FAM118B: variants seen among roughly 807,000 people sequenced by gnomAD.
The protein encoded by FAM118B is protein FAM118B.
FAM118B carries 24 observed loss-of-function variants against 38.5 expected under a neutral mutation model. That is an observed-to-expected ratio of 0.62 (90% CI 0.45 to 0.88). The LOEUF is 0.88. Among genes scored for constraint, FAM118B ranks in the 40% least tolerant of loss-of-function variants. The pLI is 0.00. For missense variants in FAM118B, 334 were observed against 420.0 expected (o/e 0.80, Z 1.79); for synonymous variants, 138 against 156.3 (o/e 0.88, Z 0.87).
chr11:126,235,888 C>T (rs796275587), intron 3 of FAM118B, among the ~76,000 whole-genome samples: 11 of 130,738 alleles, frequency 8.4e-5, no homozygotes, highest in African/African-American at 1.3e-4. Flanking sequence ...GAGCCTAATG[C>T]GTAACGATTA....
chr11:126,238,924 A>G (rs1950318042), intron 3 of FAM118B, among the ~76,000 whole-genome samples: 1 of 151,734 alleles, frequency 6.6e-6, no homozygotes, highest in South Asian at 2.1e-4. Flanking sequence ...TTTACAAAGA[A>G]CCAGTAATAA....
intron 1 of FAM118B, among the ~76,000 whole-genome samples, chr11:126,215,314 A>G (rs1949963903): frequency 6.6e-6 from 1 of 152,184 alleles, no homozygotes; most frequent in African/African-American, 2.4e-5. Flanking sequence ...AAGAAACTGG[A>G]TTCTGCTCTT....
intron 7 of FAM118B, chr11:126,260,548 T>C (rs1441562999): frequency 6.6e-6 from 1 of 151,488 alleles, no homozygotes; most frequent in Non-Finnish European, 1.5e-5. Context: ...ACGTCTGATA[T>C]TTTTTTTGCC....
chr11:126,260,039 T>C (rs1388675620), intron 7 of FAM118B, among the ~76,000 whole-genome samples: 1 of 151,948 alleles, frequency 6.6e-6, no homozygotes, highest in African/African-American at 2.4e-5. Flanking sequence ...TTTATTATTA[T>C]TACTATTTTT....
chr11:126,227,882 C>T (rs1950163675), intron 1 of FAM118B, among the ~76,000 whole-genome samples: 1 of 152,032 alleles, frequency 6.6e-6, no homozygotes, highest in South Asian at 2.1e-4. Context: ...TCACTGCAGC[C>T]TTGATTTCCC....
intron 1 of FAM118B, among the ~76,000 whole-genome samples, chr11:126,212,850 G>A (rs891349899): frequency 6.6e-6 from 1 of 152,208 alleles, no homozygotes; most frequent in African/African-American, 2.4e-5. Context: ...ACGTAGTGAG[G>A]AGTCTTTGAA....
At chr11:126,224,547 C>A (rs1490900246) in intron 1 of FAM118B, among the ~76,000 whole-genome samples, 1 of 149,314 alleles carries the variant, frequency 6.7e-6, no homozygotes, top group African/African-American at 2.5e-5. Flanking sequence ...TTAGAGGGTG[C>A]TGTGTGCTGT....
At position 126,250,630 on chromosome 11, in the gene FAM118B, A is replaced by G. The variant is rs374721398; in HGVS notation, c.464A>G (p.Asn155Ser). The stretch of plus-strand genomic sequence containing the variant: ...CAGTCAGTTCTCCACCTGATGGAAA[A>G]TGGAGCCCTCGTATTAACTACAAAT... ...LLQSVLHLMENGALVLTTNFD... is the reference protein window; with the variant it reads ...LLQSVLHLMESGALVLTTNFD... The change falls in exon 5 of 9, where the codon AAT (asparagine) becomes AGT (serine). Residue 155 changes from asparagine (N) to serine (S), a missense_variant. Around this residue, in one of 3 missense-constraint regions of FAM118B, gnomAD observed 240 missense variants for 295.9 expected, o/e 0.81. Transcript: ENST00000533050. This position sits in a 1 kb window ranked among gnomAD's most constrained non-coding sequence, Gnocchi z 5.1. The G allele has an allele frequency of 2.5e-6, 4 of 1,614,058 alleles. No individual in the cohort carries two copies. The highest frequency in any genetic ancestry group is 1.1e-5 in the South Asian group (1 of 91,084).
chr11:126,225,063 T>C (rs1950122409), intron 1 of FAM118B, among the ~76,000 whole-genome samples: 1 of 152,220 alleles, frequency 6.6e-6, no homozygotes, highest in South Asian at 2.1e-4. Context: ...GCCATTCCAA[T>C]TTCTAGATCT....
At position 126,256,013 on chromosome 11, in the gene FAM118B, G is replaced by A. The variant is rs748933983; in HGVS notation, c.697-554G>A. ...TGGCCAAGTGCAGTGGCTCACGCCT[G>A]TAATCCCAGCACTTTGGGAGGCCAA... On this transcript the variant is annotated intron_variant, in intron 6 of 8. Coordinates refer to ENST00000533050, the MANE Select transcript of FAM118B (RefSeq NM_024556.4). The surrounding 1 kb of genome is among the most constrained non-coding windows in gnomAD (Gnocchi z 6.6). Among the ~76,000 whole-genome samples the A allele has an allele frequency of 1.3e-5, 2 of 152,154 alleles. No homozygotes were observed. The highest frequency in any genetic ancestry group is 2.4e-5 in the African/African-American group (1 of 41,436).
In FAM118B at chr11:126,254,292, G is replaced by T; in HGVS notation, c.568-13G>T. 2 of 1,613,190 alleles carry T rather than the reference G, an allele frequency of 1.2e-6. No homozygotes were observed. The highest frequency in any genetic ancestry group is 1.7e-6 in the Non-Finnish European group (2 of 1,179,458). On this transcript the variant is annotated splice_polypyrimidine_tract_variant and intron_variant, in intron 5 of 8. Transcript: ENST00000533050. ...CCCTGCCAAGCTGGTTGGGCTATATGTGTGTTGTGCAGGTCCTCGAGTGGG... is the reference window on the plus strand; with the variant it reads ...CCCTGCCAAGCTGGTTGGGCTATATTTGTGTTGTGCAGGTCCTCGAGTGGG...
At chr11:126,232,753 T>TA (rs1950225434) in intron 2 of FAM118B, among the ~76,000 whole-genome samples, 1 of 151,242 alleles carries the variant, frequency 6.6e-6, no homozygotes, top group African/African-American at 2.4e-5. Flanking sequence ...TAAAAAAACT[T>TA]AAAAAAATAT....
chr11:126,247,929 A>C (rs926758697), intron 4 of FAM118B, among the ~76,000 whole-genome samples: 4 of 146,948 alleles, frequency 2.7e-5, no homozygotes, highest in Non-Finnish European at 4.5e-5. Flanking sequence ...ACGTATATCT[A>C]TATATATATT....
chr11:126,252,005 A>T lies in FAM118B; in HGVS notation c.567+1272A>T, dbSNP rs1031985831. Among the ~76,000 whole-genome samples the T allele has an allele frequency of 4.8e-5, 7 of 147,366 alleles. No individual in the cohort carries two copies. In the East Asian group the frequency reaches 1.4e-3, roughly 30 times the overall value. On this transcript the variant is annotated intron_variant, in intron 5 of 8. Coordinates refer to ENST00000533050, the MANE Select transcript of FAM118B (RefSeq NM_024556.4). This position sits in a 1 kb window ranked among gnomAD's most constrained non-coding sequence, Gnocchi z 4.7. ...TTTTGTTTTGTTTTGTTTTGTTTTG[A>T]GATGGAGTTTTGCTCTTGTCGCCCA... is the stretch of plus-strand genomic sequence containing the variant.
intron 2 of FAM118B, among the ~76,000 whole-genome samples, chr11:126,231,962 G>T (rs1025500521): frequency 8.5e-5 from 13 of 152,198 alleles, no homozygotes; most frequent in Non-Finnish European, 1.6e-4. Flanking sequence ...TAGTTAACAA[G>T]CAGCTGTTAA....
chr11:126,250,813 T>A lies in FAM118B; in HGVS notation c.567+80T>A, dbSNP rs1017257814. On this transcript the variant is annotated intron_variant, in intron 5 of 8. Coordinates refer to ENST00000533050, the MANE Select transcript of FAM118B (RefSeq NM_024556.4). The surrounding 1 kb of genome is among the most constrained non-coding windows in gnomAD (Gnocchi z 5.1). ...GAAAAGCTCTTTTCTAGTTGGTATA[T>A]TGGTATTTATGTAGAGCTAGAAAGG... The A allele has an allele frequency of 3.5e-6, 4 of 1,135,842 alleles. No individual in the cohort carries two copies. In the Admixed American group the frequency reaches 8.1e-5, roughly 23 times the overall value. The allele number at this position is 1,135,842 out of a possible 1,614,324, so 70.4% of individuals were successfully genotyped here. A position where few individuals can be genotyped will look rare whatever the true frequency, so the allele number is the denominator to read the frequency against.
Position 126,241,002 on chromosome 11 carries a change from C to A in FAM118B, c.297C>A (p.Asn99Lys). The A allele has an allele frequency of 1.2e-6, 2 of 1,613,364 alleles. No homozygotes were observed. Among genetic ancestry groups the A allele is most frequent in the Non-Finnish European group, 1.7e-6 (2 of 1,179,642 alleles). ...AGAAATGTCTCCATGAAGACAAGAA[C>A]CTGGTCCATGTTGCCCATGACCTTA... ...KFQKCLHEDKNLVHVAHDLIQ... is the reference protein window; with the variant it reads ...KFQKCLHEDKKLVHVAHDLIQ... Residue 99 changes from asparagine to lysine, a missense_variant, in exon 4 of 9, where the codon AAC (asparagine) becomes AAA (lysine). By Grantham distance (94) the Asn-to-Lys change is moderately conservative (BLOSUM62 0). Coordinates refer to ENST00000533050, the MANE Select transcript of FAM118B (RefSeq NM_024556.4).
At chr11:126,258,240 T>C (rs906988742) in intron 7 of FAM118B, among the ~76,000 whole-genome samples, 8 of 151,840 alleles carry the variant, frequency 5.3e-5, no homozygotes, top group Admixed American at 4.6e-4. Context: ...TGCAAAAAAT[T>C]AGCCAGGTGT....
intron 3 of FAM118B, among the ~76,000 whole-genome samples, chr11:126,237,397 TATTTA>T (rs911089159): frequency 5.6e-5 from 8 of 143,528 alleles, no homozygotes; most frequent in Admixed American, 1.4e-4. Context: ...ATTTTTATTT[TATTTA>T]TTTATTTATT....
Sources: gnomAD v4.1 joint callset for allele counts (sites outside exome capture counted in the v4.1 genomes callset) on GRCh38, gnomAD v4.1.1 for gene constraint, gnomAD v4.1.1 regional missense constraint, Gnocchi (gnomAD v3.1) non-coding constraint, MANE v1.5 for transcripts, NCBI Gene and HGNC (gene_info 2026-07-23, HGNC 2026-07-21) for gene names.